The following HPS5 variants were observed in gnomAD, a reference collection of about 807,000 sequenced individuals.
HPS5 encodes the protein BLOC-2 complex member HPS5.
A neutral mutation model predicts 128.0 loss-of-function variants in HPS5; 83 were observed. That is an observed-to-expected ratio of 0.65 (90% CI 0.54 to 0.78). The LOEUF (loss-of-function observed/expected upper bound fraction) is 0.78, where lower values mean the gene tolerates loss of function less well. HPS5 is among the 30% of genes least tolerant of loss of function. The pLI is 0.00. For missense variants in HPS5, 1,281 were observed against 1,326.2 expected (o/e 0.97, Z 0.53); for synonymous variants, 475 against 470.2 (o/e 1.01, Z -0.13).
intron 11 of HPS5, 52 bp downstream of exon 11, chr11:18,297,507 G>T: frequency 6.4e-7 from 1 of 1,552,274 alleles, no homozygotes; most frequent in Non-Finnish European, 8.9e-7. Context: ...AAGAACAACC[G>T]AAGATGGAAA....
At chr11:18,280,158 G>T (rs1858687831) in intron 22 of HPS5, among the ~76,000 whole-genome samples, 1 of 152,158 alleles carries the variant, frequency 6.6e-6, no homozygotes, top group South Asian at 2.1e-4. Context: ...GAATATCAGA[G>T]AACTCTTACA....
At chr11:18,300,760 G>T in intron 9 of HPS5, 68 bp downstream of exon 9, 2 of 681,630 alleles carry the variant, frequency 2.9e-6, no homozygotes, top group Non-Finnish European at 5.1e-6. Flanking sequence ...AATTACAAGA[G>T]AATGCTCCTA....
At chr11:18,310,454 T>C (rs1862840202) in intron 5 of HPS5, among the ~76,000 whole-genome samples, 1 of 152,214 alleles carries the variant, frequency 6.6e-6, no homozygotes, top group Non-Finnish European at 1.5e-5. Flanking sequence ...AATAGCCTTA[T>C]ACTAAAGAAT....
Position 18,295,907 on chromosome 11 carries a change from T to C in HPS5, c.1634+92A>G, listed in dbSNP as rs1024583200. On this transcript the variant is annotated intron_variant, in intron 13 of 22. Coordinates refer to ENST00000349215, the MANE Select transcript of HPS5 (RefSeq NM_181507.2). Reference sequence around the variant, plus strand: ...TATATGGAAAACAAGAGACTTCCTTTTTCTCATTTTCCATTCTCAGCACAA... The same window carrying C: ...TATATGGAAAACAAGAGACTTCCTTCTTCTCATTTTCCATTCTCAGCACAA... 5 of 1,355,604 alleles carry C rather than the reference T, an allele frequency of 3.7e-6. No homozygotes were observed. The African/African-American group carries it at 5.8e-5, about 16-fold the overall frequency. 84.0% of individuals were successfully genotyped at this position (1,355,604 alleles called of 1,614,324 possible).
At chr11:18,303,334 G>A (rs1231944460) in intron 8 of HPS5, among the ~76,000 whole-genome samples, 3 of 152,168 alleles carry the variant, frequency 2.0e-5, no homozygotes, top group African/African-American at 4.8e-5. Context: ...TAAGACAGTG[G>A]CAATGATAAA....
chr11:18,299,719 A>G (rs1861479373), intron 9 of HPS5, among the ~76,000 whole-genome samples: 1 of 152,222 alleles, frequency 6.6e-6, no homozygotes, highest in African/African-American at 2.4e-5. Context: ...ACAAAATGGG[A>G]GTCAAAGTAA....
chr11:18,290,348 GCTAC>G (rs758396504), intron 16 of HPS5, among the ~76,000 whole-genome samples: 16 of 152,158 alleles, frequency 1.1e-4, no homozygotes, highest in Non-Finnish European at 1.8e-4. Flanking sequence ...CAGCAGTTTA[GCTAC>G]CTAAGATCTC....
chr11:18,314,213 C>T (rs536119376), intron 2 of HPS5, among the ~76,000 whole-genome samples: 2 of 152,194 alleles, frequency 1.3e-5, no homozygotes, highest in South Asian at 4.1e-4. Flanking sequence ...TGCACTCCAG[C>T]TTGGGCAACA....
At position 18,297,849 on chromosome 11, in the gene HPS5, G is replaced by A. The variant is rs571947695; in HGVS notation, c.1165-132C>T. 32 of 818,326 alleles carry A rather than the reference G, an allele frequency of 3.9e-5. No homozygotes were observed. The East Asian group carries it at 6.7e-4, about 17-fold the overall frequency. 50.7% of individuals were successfully genotyped at this position (818,326 alleles called of 1,614,324 possible). A position where few individuals can be genotyped will look rare whatever the true frequency, so the allele number is the denominator to read the frequency against. ...AATCCCAGCACTCTGGGAGGCCGAG[G>A]CGGGCAGATCCCCCGAGGTCAGGAG... On this transcript the variant is annotated intron_variant, in intron 10 of 22. Transcript: ENST00000349215.
At chr11:18,311,505 A>ATTTTTTTTT in intron 3 of HPS5, 54 bp from the exon 4 acceptor site, 1 of 816,772 alleles carries the variant, frequency 1.2e-6, no homozygotes, top group South Asian at 2.2e-5. Context: ...CATTATTATT[A>ATTTTTTTTT]TTATTATTTT....
At position 18,297,664 on chromosome 11, in the gene HPS5, G is replaced by C. The variant is rs140933423; in HGVS notation, c.1218C>G (p.Asp406Glu). 35 of 1,613,814 alleles carry C rather than the reference G, an allele frequency of 2.2e-5. No individual in the cohort carries two copies. The highest frequency in any genetic ancestry group is 2.7e-5 in the African/African-American group (2 of 74,918). Residue 406 changes from aspartate (D) to glutamate (E), a missense_variant, in exon 11 of 23, where the codon GAC becomes GAG. By Grantham distance (45) the Asp-to-Glu change is conservative. Coordinates refer to ENST00000349215, the MANE Select transcript of HPS5 (RefSeq NM_181507.2). ...DKLEHLKSQLDHGTYNDLISQ... is the reference protein window; with the variant it reads ...DKLEHLKSQLEHGTYNDLISQ... The stretch of plus-strand genomic sequence containing the variant: ...AAATTAGATCATTGTAGGTGCCATG[G>C]TCCAGCTGAGATTTCAAATGCTCCA...
chr11:18,306,313 C>T lies in HPS5; in HGVS notation c.646G>A (p.Asp216Asn), dbSNP rs139112919. The change falls in exon 7 of 23, where the codon GAT becomes AAT. Residue 216 changes from aspartate to asparagine, a missense_variant. Asp to Asn is a conservative substitution (Grantham distance 23). Coordinates refer to ENST00000349215, the MANE Select transcript of HPS5 (RefSeq NM_181507.2). Reference sequence around the variant, plus strand: ...AAGAAACAAGCTCCATATTCTCCATCTCTTTCCTTGTTTCCAATTTTCCAA... The same window carrying T: ...AAGAAACAAGCTCCATATTCTCCATTTCTTTCCTTGTTTCCAATTTTCCAA... ...KFWKIGNKER[D>N]GEYGACFFPG... The T allele has an allele frequency of 5.0e-6, 8 of 1,613,980 alleles. No individual in the cohort carries two copies. In the African/African-American group the frequency reaches 1.1e-4, roughly 22 times the overall value.
chr11:18,311,842 T>A, intron 3 of HPS5, 72 bp downstream of exon 3: 2 of 1,035,728 alleles, frequency 1.9e-6, no homozygotes, highest in Non-Finnish European at 3.1e-6. Flanking sequence ...CAAATGATTA[T>A]TTATATTGGA....
intron 6 of HPS5, among the ~76,000 whole-genome samples, chr11:18,307,772 G>T (rs963518868): frequency 6.6e-6 from 1 of 151,360 alleles, no homozygotes; most frequent in Non-Finnish European, 1.5e-5. Flanking sequence ...AAAACTGTTT[G>T]TTGGGAGGGA....
chr11:18,308,838 GA>G (rs35952141), intron 6 of HPS5, 107 bp downstream of exon 6: 7 of 1,097,450 alleles, frequency 6.4e-6, no homozygotes, highest in Non-Finnish European at 8.0e-6. Context: ...AAAAGAAAAA[GA>G]AAAAAAATCT....
chr11:18,312,289 G>A (rs1029469395), intron 2 of HPS5, among the ~76,000 whole-genome samples: 2 of 152,186 alleles, frequency 1.3e-5, no homozygotes, highest in African/African-American at 4.8e-5. Context: ...CTTGGCAAAC[G>A]CTGGCTGTTA....
intron 5 of HPS5, among the ~76,000 whole-genome samples, chr11:18,310,302 C>G (rs977988791): frequency 7.9e-5 from 12 of 152,242 alleles, no homozygotes; most frequent in African/African-American, 2.4e-4. Flanking sequence ...TAAGTTATAT[C>G]CATCCTGATA....
At chr11:18,297,049 T>C (rs556747780) in intron 11 of HPS5, 65 bp from the exon 12 acceptor site, 93 of 1,021,144 alleles carry the variant, frequency 9.1e-5, no homozygotes, top group Non-Finnish European at 1.3e-4. Context: ...TTAATATAAC[T>C]TCTGCAGAGA....
intron 1 of HPS5, among the ~76,000 whole-genome samples, chr11:18,318,231 C>T (rs1400932573): frequency 6.6e-6 from 1 of 152,178 alleles, no homozygotes; most frequent in African/African-American, 2.4e-5. Context: ...AAAACAGCAA[C>T]CTTGCTGCTG....
Sources: gnomAD v4.1 joint callset for allele counts (sites outside exome capture counted in the v4.1 genomes callset) on GRCh38, gnomAD v4.1.1 for gene constraint, MANE v1.5 for transcripts, NCBI Gene and HGNC (gene_info 2026-07-23, HGNC 2026-07-21) for gene names.